CETP: variants seen among roughly 807,000 people sequenced by gnomAD.
CETP encodes the protein cholesteryl ester transfer protein.
A neutral mutation model predicts 66.5 loss-of-function variants in CETP; 56 were observed. The observed-to-expected ratio is 0.84, with a 90% CI of 0.68 to 1.05. The LOEUF (loss-of-function observed/expected upper bound fraction) is 1.05. Ranked by LOEUF, CETP falls within the 50% of genes least tolerant of loss-of-function variation. CETP has a pLI of 0.00. For synonymous variants in CETP, 251 were observed against 245.7 expected (o/e 1.02, Z -0.20); for missense variants, 612 against 609.6 (o/e 1.00, Z -0.04).
In CETP at chr16:56,969,310, A is replaced by G; in HGVS notation, c.234-76A>G. 2.5e-6 allele frequency: 4 copies of G among 1,598,758 alleles called. No individual in the cohort carries two copies. The South Asian group carries it at 4.4e-5, about 18-fold the overall frequency. ...ATGATTCTATCTTCCACCCTCGCCTAGACAAAATTGGAGGCTCACTCCTTG... is the reference window on the plus strand; with the variant it reads ...ATGATTCTATCTTCCACCCTCGCCTGGACAAAATTGGAGGCTCACTCCTTG... On this transcript the variant is annotated intron_variant, in intron 2 of 15. Coordinates refer to ENST00000200676, the MANE Select transcript of CETP (RefSeq NM_000078.3).
In CETP at chr16:56,983,593, G is replaced by T; in HGVS notation, c.1409G>T (p.Gly470Val). ...CTCTCCTACTGCCCCTCCCTTCAGG[G>T]CTTCCTGCTGCTGCAGATGGACTTT... ...IINPEIITRD[G>V]FLLLQMDFGF... is the part of the protein sequence containing the mutation. The change falls in exon 16 of 16, where the codon GGC becomes GTC. Residue 470 changes from glycine (G) to valine (V), a missense_variant and splice_region_variant. Gly to Val is a moderately radical substitution (Grantham distance 109). Transcript: ENST00000200676. The T allele has an allele frequency of 6.2e-7, 1 of 1,614,160 alleles. No individual in the cohort carries two copies. The highest frequency in any genetic ancestry group is 8.5e-7 in the Non-Finnish European group (1 of 1,180,028).
chr16:56,965,046 G>A (rs887864900), intron 2 of CETP, among the ~76,000 whole-genome samples: 1 of 152,186 alleles, frequency 6.6e-6, no homozygotes, highest in East Asian at 1.9e-4. Context: ...AGCTATGATT[G>A]CATCACTGCA....
chr16:56,972,840 A>C (rs1199553101), intron 8 of CETP, among the ~76,000 whole-genome samples: 1 of 152,142 alleles, frequency 6.6e-6, no homozygotes, highest in Non-Finnish European at 1.5e-5. Context: ...TCCCTGGAAA[A>C]CTGGACAGAA....
chr16:56,966,036 C>T (rs185145556), intron 2 of CETP, among the ~76,000 whole-genome samples: 4 of 152,252 alleles, frequency 2.6e-5, no homozygotes, highest in East Asian at 3.9e-4. Context: ...CACCTCCTCC[C>T]AGAAGCCCTC....
chr16:56,979,488 T>C (rs1313230311), intron 11 of CETP, among the ~76,000 whole-genome samples: 1 of 151,690 alleles, frequency 6.6e-6, no homozygotes, highest in Non-Finnish European at 1.5e-5. Flanking sequence ...GAATCAGTAT[T>C]ATCTTTAATG....
At chr16:56,972,415 C>T (rs1018445369) in intron 8 of CETP, among the ~76,000 whole-genome samples, 1 of 152,212 alleles carries the variant, frequency 6.6e-6, no homozygotes. Context: ...CTGACAAAAG[C>T]TTTGGACCCT....
chr16:56,972,205 C>A, intron 8 of CETP, 122 bp downstream of exon 8: 2 of 713,618 alleles, frequency 2.8e-6, no homozygotes, highest in South Asian at 3.3e-5. Context: ...CTGGGGCGCT[C>A]CTCCTCATTC....
At chr16:56,970,736 G>C (rs2056103529) in intron 5 of CETP, among the ~76,000 whole-genome samples, 4 of 152,198 alleles carry the variant, frequency 2.6e-5, no homozygotes, top group Admixed American at 2.6e-4. Context: ...GCCATTTTCT[G>C]ACTCTGGAGC....
chr16:56,963,163 GAGGC>G, intron 2 of CETP, 39 bp downstream of exon 2: 1 of 1,533,436 alleles, frequency 6.5e-7, no homozygotes, highest in African/African-American at 1.4e-5. Context: ...TGGGGGTAGG[GAGGC>G]GGGAGGAACA....
Position 56,969,413 on chromosome 16 carries a change from C to T in CETP, c.261C>T (p.Ala87=), listed in dbSNP as rs771944754. The change falls in exon 3 of 16, where the codon GCC becomes GCT. Residue 87 remains alanine, a synonymous_variant. Coordinates refer to ENST00000200676, the MANE Select transcript of CETP (RefSeq NM_000078.3). ...TCCAGATCAGCCACTTGTCCATCGCCAGCAGCCAGGTGGAGCTGGTGGAAG... is the reference window on the plus strand; with the variant it reads ...TCCAGATCAGCCACTTGTCCATCGCTAGCAGCCAGGTGGAGCTGGTGGAAG... ...HNIQISHLSI[A]SSQVELVEAK... 2.5e-6 allele frequency: 4 copies of T among 1,614,028 alleles called. No homozygotes were observed. The East Asian group carries it at 8.9e-5, about 36-fold the overall frequency.
intron 1 of CETP, chr16:56,962,472 C>A: frequency 2.1e-6 from 1 of 472,850 alleles, no homozygotes; most frequent in Non-Finnish European, 4.2e-6. Flanking sequence ...CACTCTATGG[C>A]CAAAGTCAGG....
In CETP at chr16:56,971,042, G is replaced by A. The variant is rs2056106009; in HGVS notation, c.537G>A (p.Trp179Ter). ...TGCTTGCTGCCTTCAGGCCTGGGTG[G>A]ATCAAGCAGCTGTTCACAAATTTCA... is the stretch of plus-strand genomic sequence containing the variant. ...LHLQGEREPG[W>*]IKQLFTNFIS... Residue 179 changes from tryptophan (W) to a stop codon, truncating the protein, a stop_gained, in exon 6 of 16, where the codon TGG (tryptophan) becomes TGA (stop). Coordinates refer to ENST00000200676, the MANE Select transcript of CETP (RefSeq NM_000078.3). LOFTEE classifies it high-confidence loss of function. The A allele has an allele frequency of 6.2e-7, 1 of 1,614,032 alleles. No homozygotes were observed. The highest frequency in any genetic ancestry group is 2.2e-5 in the East Asian group (1 of 44,888).
chr16:56,973,793 C>T (rs185838302), intron 9 of CETP, among the ~76,000 whole-genome samples: 1 of 152,208 alleles, frequency 6.6e-6, no homozygotes, highest in African/African-American at 2.4e-5. Flanking sequence ...GGGTAAGACT[C>T]CTGTCTCAAG....
rs771246247 is a variant in CETP at position 56,983,402 on chromosome 16, C to G, written c.1398C>G (p.Ile466Met). The change falls in exon 15 of 16, where the codon ATC becomes ATG. Residue 466 changes from isoleucine to methionine, a missense_variant. Ile to Met is a conservative substitution (Grantham distance 10, BLOSUM62 1). Transcript: ENST00000200676. Reference sequence around the variant, plus strand: ...TCGACATCATCAACCCTGAGATTATCACTCGAGATGTGAGTACAAAGCCCC... The same window carrying G: ...TCGACATCATCAACCCTGAGATTATGACTCGAGATGTGAGTACAAAGCCCC... ...SLFDIINPEI[I>M]TRDGFLLLQM... is the part of the protein sequence containing the mutation. The G allele has an allele frequency of 9.9e-6, 16 of 1,614,054 alleles. No homozygotes were observed. The highest frequency in any genetic ancestry group is 1.3e-5 in the African/African-American group (1 of 74,942).
intron 10 of CETP, among the ~76,000 whole-genome samples, chr16:56,977,186 C>T (rs1266023107): frequency 6.6e-6 from 1 of 152,206 alleles, no homozygotes. Context: ...GCCGGGATTA[C>T]AGGTGTGAGC....
At chr16:56,982,023 G>A in intron 13 of CETP, 142 bp from the exon 14 acceptor site, 1 of 810,270 alleles carries the variant, frequency 1.2e-6, no homozygotes, top group Non-Finnish European at 2.1e-6. Context: ...GGCACCGTCT[G>A]GGGCAGGAAA....
intron 2 of CETP, among the ~76,000 whole-genome samples, chr16:56,967,095 C>G (rs1441989826): frequency 6.6e-6 from 1 of 151,988 alleles, no homozygotes; most frequent in African/African-American, 2.4e-5. Flanking sequence ...AACCTATAAT[C>G]CCAGCACTTT....
At chr16:56,976,622 C>T (rs1483609366) in intron 10 of CETP, among the ~76,000 whole-genome samples, 1 of 151,960 alleles carries the variant, frequency 6.6e-6, no homozygotes, top group African/African-American at 2.4e-5. Flanking sequence ...CCACAGCACC[C>T]AGCCCATCAG....
At chr16:56,975,856 C>T (rs1304140081) in intron 10 of CETP, among the ~76,000 whole-genome samples, 1 of 152,132 alleles carries the variant, frequency 6.6e-6, no homozygotes, top group Non-Finnish European at 1.5e-5. Flanking sequence ...TACCAGAGAG[C>T]TGAGCAGAGC....
Sources: gnomAD v4.1 joint callset for allele counts (sites outside exome capture counted in the v4.1 genomes callset) on GRCh38, gnomAD v4.1.1 for gene constraint, MANE v1.5 for transcripts, NCBI Gene and HGNC (gene_info 2026-07-23, HGNC 2026-07-21) for gene names.